Variants in PIN4 observed in about 807,000 individuals in gnomAD.
PIN4 encodes the protein peptidyl-prolyl cis-trans isomerase NIMA-interacting 4.
A neutral mutation model predicts 8.3 loss-of-function variants in PIN4; 3 were observed. That is an observed-to-expected ratio of 0.36 (90% CI 0.16 to 0.93). The LOEUF (loss-of-function observed/expected upper bound fraction) is 0.93. Among genes scored for constraint, PIN4 ranks in the 40% least tolerant of loss-of-function variants. PIN4 has a pLI of 0.44. For synonymous variants in PIN4, 18 were observed against 32.5 expected, an observed-to-expected ratio of 0.55 and a Z score of 1.52; for missense variants, 75 against 100.6, an observed-to-expected ratio of 0.75 and a Z score of 1.09.
At chrX:72,225,663 C>A (rs151024478) in intron 3 of PIN4, among the ~76,000 whole-genome samples, 3 of 111,859 alleles carry the variant, frequency 2.7e-5, no homozygotes, top group Non-Finnish European at 5.6e-5. Context: ...TATCACTAAA[C>A]CCCTTTATGA....
intron 3 of PIN4, among the ~76,000 whole-genome samples, chrX:72,260,985 CAG>C (rs1156712959): frequency 1.8e-5 from 2 of 111,784 alleles, no homozygotes; most frequent in Non-Finnish European, 3.8e-5. Flanking sequence ...ACCGTGCAGC[CAG>C]AGAGAGCTTT....
At chrX:72,207,490 T>C (rs749819014) in intron 3 of PIN4, 2 of 1,208,528 alleles carry the variant, frequency 1.7e-6, no homozygotes, top group African/African-American at 3.5e-5. Context: ...TGTCCCAAGA[T>C]TTAGCAAACA....
At chrX:72,227,238 G>T (rs756171689) in intron 3 of PIN4, among the ~76,000 whole-genome samples, 132 of 111,922 alleles carry the variant, frequency 1.2e-3, no homozygotes, top group Non-Finnish European at 2.3e-3. Flanking sequence ...GGTTCAGGGT[G>T]CCTCTTTCTT....
intron 3 of PIN4, among the ~76,000 whole-genome samples, chrX:72,219,773 C>G (rs978065494): frequency 6.6e-5 from 7 of 105,792 alleles, no homozygotes; most frequent in African/African-American, 2.4e-4. Flanking sequence ...CACTTGAACC[C>G]GGGAGGCAGA....
intron 3 of PIN4, among the ~76,000 whole-genome samples, chrX:72,258,100 G>C (rs2043120602): frequency 9.0e-6 from 1 of 111,051 alleles, no homozygotes; most frequent in African/African-American, 3.3e-5. Flanking sequence ...TCTCGGGTTG[G>C]GGAAAGCTGC....
chrX:72,233,342 G>A (rs1183819878), intron 3 of PIN4, among the ~76,000 whole-genome samples: 1 of 111,789 alleles, frequency 8.9e-6, no homozygotes, highest in Non-Finnish European at 1.9e-5. Flanking sequence ...AAAAGTGGAG[G>A]GGAGGGGAGA....
At chrX:72,240,352 A>G (rs995732422) in intron 3 of PIN4, among the ~76,000 whole-genome samples, 3 of 111,590 alleles carry the variant, frequency 2.7e-5, no homozygotes, top group Non-Finnish European at 5.6e-5. Context: ...GGCCAACAAA[A>G]ATTGTCCTTG....
intron 3 of PIN4, among the ~76,000 whole-genome samples, chrX:72,217,084 G>A (rs1206246331): frequency 2.7e-5 from 3 of 111,780 alleles, no homozygotes; most frequent in African/African-American, 6.5e-5. Context: ...GTTTTTTTCC[G>A]GAGTGATTAG....
exon 4 of PIN4, chrX:72,262,972 A>T: frequency 2.7e-6 from 1 of 376,001 alleles, no homozygotes; most frequent in Middle Eastern, 7.5e-4. Flanking sequence ...AACAGCAAGG[A>T]AACCAGACAG....
At chrX:72,224,419 C>T (rs2042942819) in intron 3 of PIN4, among the ~76,000 whole-genome samples, 1 of 110,818 alleles carries the variant, frequency 9.0e-6, no homozygotes. Flanking sequence ...ATTATTATGT[C>T]AAGAAAAAAA....
At chrX:72,260,993 G>C (rs1602464459) in intron 3 of PIN4, among the ~76,000 whole-genome samples, 1 of 112,020 alleles carries the variant, frequency 8.9e-6, no homozygotes, top group South Asian at 3.7e-4. Flanking sequence ...GCCAGAGAGA[G>C]CTTTTTAAAT....
At chrX:72,200,360 G>T (rs1307296231), downstream of PIN4, among the ~76,000 whole-genome samples, 2 of 111,716 alleles carry the variant, frequency 1.8e-5, no homozygotes, top group Non-Finnish European at 3.8e-5. Context: ...TTATGTGTCA[G>T]ATTGGTAAAG....
intron 2 of PIN4, among the ~76,000 whole-genome samples, chrX:72,191,990 T>C (rs368525287): frequency 2.7e-5 from 3 of 110,743 alleles, no homozygotes; most frequent in East Asian, 2.8e-4. Context: ...TCACTCTTGT[T>C]GCCCAGGCTG....
chrX:72,261,906 GT>G (rs1231263615), intron 3 of PIN4, among the ~76,000 whole-genome samples: 1 of 110,141 alleles, frequency 9.1e-6, no homozygotes, highest in Non-Finnish European at 1.9e-5. Flanking sequence ...TCATTCCCAG[GT>G]GTTCTTGTTT....
intron 3 of PIN4, among the ~76,000 whole-genome samples, chrX:72,256,899 G>A (rs1332476410): frequency 8.9e-6 from 1 of 112,295 alleles, no homozygotes; most frequent in Non-Finnish European, 1.9e-5. Context: ...ACTAGTCCAG[G>A]GTAGCTGGAA....
intron 3 of PIN4, chrX:72,205,547 A>G (rs2042813080): frequency 8.3e-7 from 1 of 1,211,021 alleles, no homozygotes; most frequent in Non-Finnish European, 1.1e-6. Flanking sequence ...GATGAAAAGA[A>G]CCTTCCTGGT....
chrX:72,230,299 C>T (rs1375695587), intron 3 of PIN4, among the ~76,000 whole-genome samples: 1 of 111,267 alleles, frequency 9.0e-6, no homozygotes, highest in Non-Finnish European at 1.9e-5. Flanking sequence ...AGATAACCCC[C>T]CTCTGGCCAG....
chrX:72,195,436 A>T (rs1383300860), intron 2 of PIN4, among the ~76,000 whole-genome samples: 1 of 110,686 alleles, frequency 9.0e-6, no homozygotes, highest in Non-Finnish European at 1.9e-5. Flanking sequence ...TAGGCCAGGA[A>T]TTTGAGACCA....
chrX:72,194,268 C>T (rs889193817), intron 2 of PIN4, among the ~76,000 whole-genome samples: 1 of 111,306 alleles, frequency 9.0e-6, no homozygotes, highest in Non-Finnish European at 1.9e-5. Context: ...GGTATGGTGG[C>T]TCATGTCTGT....
Sources: gnomAD v4.1 joint callset for allele counts (sites outside exome capture counted in the v4.1 genomes callset) on GRCh38, gnomAD v4.1.1 for gene constraint, MANE v1.5 for transcripts, NCBI Gene and HGNC (gene_info 2026-07-23, HGNC 2026-07-21) for gene names.